Variants in MRE11 observed in about 807,000 individuals in gnomAD.
MRE11 encodes the protein double-strand break repair protein MRE11.
In MRE11, 62 loss-of-function variants were observed where a neutral mutation model predicts 91.7. That is an observed-to-expected ratio of 0.68 (90% CI 0.55 to 0.84). MRE11 has a LOEUF of 0.84. Among genes scored for constraint, MRE11 ranks in the 40% least tolerant of loss-of-function variants. The probability of loss-of-function intolerance (pLI) is 0.00; values close to 1 mark genes in which losing one functional copy is unlikely to be tolerated. For missense variants in MRE11, 796 were observed against 852.9 expected, an observed-to-expected ratio of 0.93 and a Z score of 0.83; for synonymous variants, 273 against 271.4, an observed-to-expected ratio of 1.01 and a Z score of -0.06.
At chr11:94,459,696 T>C in intron 12 of MRE11, 115 bp from the exon 13 acceptor site, 1 of 1,133,378 alleles carries the variant, frequency 8.8e-7, no homozygotes, top group Non-Finnish European at 1.3e-6. Flanking sequence ...AGTGAACAGC[T>C]GTAGTTAAGC....
At chr11:94,424,746 C>G (rs1945263378) in intron 19 of MRE11, among the ~76,000 whole-genome samples, 1 of 152,086 alleles carries the variant, frequency 6.6e-6, no homozygotes, top group Admixed American at 6.5e-5. Flanking sequence ...AGGAAAGAAT[C>G]TCAGAGCTTC....
At chr11:94,466,436 C>G in intron 10 of MRE11, 1 of 516,576 alleles carries the variant, frequency 1.9e-6, no homozygotes, top group Non-Finnish European at 4.0e-6. Flanking sequence ...GAAACGGGAA[C>G]AGATTACCTA....
chr11:94,485,945 G>A lies in MRE11; in HGVS notation c.293C>T (p.Ser98Leu), dbSNP rs766453484. The A allele has an allele frequency of 3.1e-6, 5 of 1,613,040 alleles. No homozygotes were observed. Among genetic ancestry groups the A allele is most frequent in the Non-Finnish European group, 4.2e-6 (5 of 1,179,914 alleles). ...TTACTTACTAAAACCAAAGTTGACT[G>A]ACTGATCACTGAGAATTTCAAACTG... is the stretch of plus-strand genomic sequence containing the variant. ...PVQFEILSDQ[S>L]VNFGFSKFPW... Residue 98 changes from serine to leucine, a missense_variant, in exon 4 of 20, where the codon TCA becomes TTA. Coordinates refer to ENST00000323929, the MANE Select transcript of MRE11 (RefSeq NM_005591.4).
intron 11 of MRE11, among the ~76,000 whole-genome samples, chr11:94,461,455 T>C (rs555788789): frequency 6.6e-6 from 1 of 152,314 alleles, no homozygotes; most frequent in South Asian, 2.1e-4. Context: ...TAGTTCGGTA[T>C]TGATGGAACA....
intron 4 of MRE11, among the ~76,000 whole-genome samples, chr11:94,485,367 A>ATAAAAAT (rs1359612425): frequency 1.1e-4 from 17 of 152,224 alleles, no homozygotes; most frequent in African/African-American, 2.2e-4. Context: ...ATTTAACTAC[A>ATAAAAAT]TAAAAATTAA....
the MRE11 span, among the ~76,000 whole-genome samples, chr11:94,508,831 G>A: frequency 3.2e-3 from 483 of 149,848 alleles, 2 homozygotes; most frequent in Non-Finnish European, 4.6e-3. Flanking sequence ...GCACGATCTC[G>A]GCTCACTGCA....
intron 8 of MRE11, among the ~76,000 whole-genome samples, 200 bp downstream of exon 8, chr11:94,471,374 T>A (rs1296260561): frequency 6.6e-6 from 1 of 152,022 alleles, no homozygotes; most frequent in Non-Finnish European, 1.5e-5. Context: ...ACCAATTGGA[T>A]GCTCTCTTTT....
At chr11:94,463,631 G>T (rs1475863996) in intron 11 of MRE11, among the ~76,000 whole-genome samples, 1 of 152,120 alleles carries the variant, frequency 6.6e-6, no homozygotes, top group Admixed American at 6.5e-5. Context: ...GTCCTTTGTA[G>T]GGACATGGAT....
Position 94,492,880 on chromosome 11 carries a change from T to C in MRE11, c.-79A>G, listed in dbSNP as rs1345522678. 3.8e-6 allele frequency: 5 copies of C among 1,312,402 alleles called. No homozygotes were observed. In the African/African-American group the frequency reaches 5.9e-5, roughly 15 times the overall value. The allele number at this position is 1,312,402 out of a possible 1,614,324, so 81.3% of individuals were successfully genotyped here. A position where few individuals can be genotyped will look rare whatever the true frequency, so the allele number is the denominator to read the frequency against. On this transcript the variant is annotated 5_prime_UTR_variant, in exon 2 of 20. Coordinates refer to ENST00000323929, the MANE Select transcript of MRE11 (RefSeq NM_005591.4). ...GGTACTGTACTCAAATGTCAGAAAA[T>C]GCACTCGATTCCAAATTCTAGAAAT...
At chr11:94,449,391 A>C (rs938846483) in intron 14 of MRE11, among the ~76,000 whole-genome samples, 2 of 152,256 alleles carry the variant, frequency 1.3e-5, no homozygotes, top group African/African-American at 4.8e-5. Context: ...CTCATTATTC[A>C]TTAATCCTAT....
chr11:94,432,227 A>G (rs139274356), intron 18 of MRE11, among the ~76,000 whole-genome samples: 1 of 152,254 alleles, frequency 6.6e-6, no homozygotes, highest in East Asian at 1.9e-4. Flanking sequence ...AAGTCCCTCC[A>G]CTACTTACCA....
intron 7 of MRE11, among the ~76,000 whole-genome samples, 176 bp from the exon 8 acceptor site, chr11:94,471,935 G>A (rs1180866597): frequency 6.6e-6 from 1 of 151,980 alleles, no homozygotes; most frequent in Non-Finnish European, 1.5e-5. Context: ...TCCTGACCTT[G>A]AGAGCTTTAC....
chr11:94,450,557 C>T (rs528164283), intron 14 of MRE11, among the ~76,000 whole-genome samples: 1 of 152,188 alleles, frequency 6.6e-6, no homozygotes, highest in African/African-American at 2.4e-5. Flanking sequence ...ACTGTCTAAT[C>T]ATCATGCAAT....
At chr11:94,508,278 A>G in the MRE11 span, among the ~76,000 whole-genome samples, 2 of 152,046 alleles carry the variant, frequency 1.3e-5, no homozygotes, top group Non-Finnish European at 2.9e-5. Context: ...GACCTCTACT[A>G]TATCTATTGC....
intron 12 of MRE11, 148 bp downstream of exon 12, chr11:94,460,788 A>C: frequency 1.4e-6 from 1 of 707,208 alleles, no homozygotes; most frequent in Non-Finnish European, 2.4e-6. Context: ...CAGCAACTGC[A>C]AATGAATGTA....
intron 19 of MRE11, among the ~76,000 whole-genome samples, chr11:94,428,925 A>G (rs1437353258): frequency 1.3e-5 from 2 of 152,158 alleles, no homozygotes; most frequent in African/African-American, 4.8e-5. Flanking sequence ...AATGGGAGAA[A>G]ATATTCACAA....
Position 94,445,825 on chromosome 11 carries a change from T to C in MRE11, c.1852A>G (p.Met618Val), listed in dbSNP as rs375630981. ...CTATACTCACCATCTATAATAGACA[T>C]ATTTCTAGATGCTGACACAGCAGTC... is the stretch of plus-strand genomic sequence containing the variant. ...SKTAVSASRN[M>V]SIIDAFKSTR... Residue 618 changes from methionine (M) to valine (V), a missense_variant, in exon 16 of 20, where the codon ATG (methionine) becomes GTG (valine). Coordinates refer to ENST00000323929, the MANE Select transcript of MRE11 (RefSeq NM_005591.4). The C allele has an allele frequency of 3.2e-5, 52 of 1,610,774 alleles. No individual in the cohort carries two copies. Among genetic ancestry groups the C allele is most frequent in the Non-Finnish European group, 4.2e-5 (50 of 1,177,052 alleles).
the MRE11 span, among the ~76,000 whole-genome samples, chr11:94,501,940 A>C: frequency 6.6e-6 from 1 of 152,152 alleles, no homozygotes; most frequent in Non-Finnish European, 1.5e-5. Flanking sequence ...TTTTTTAAAA[A>C]GCTATGTGTT....
At chr11:94,512,268 C>A in the MRE11 span, among the ~76,000 whole-genome samples, 1 of 152,272 alleles carries the variant, frequency 6.6e-6, no homozygotes, top group Admixed American at 6.5e-5. Context: ...CCTCTCTTGC[C>A]GAGCTCGTGT....
Sources: allele counts gnomAD v4.1 joint callset (sites outside exome capture counted in the v4.1 genomes callset), GRCh38; gene constraint gnomAD v4.1.1; transcripts MANE v1.5; gene names NCBI Gene and HGNC (gene_info 2026-07-23, HGNC 2026-07-21).